The following MND1 variants were observed in gnomAD, a reference collection of about 807,000 sequenced individuals.
MND1 encodes the protein meiotic nuclear division protein 1 homolog.
In MND1, 28 loss-of-function variants were observed where a neutral mutation model predicts 35.1. The ratio of observed to expected loss-of-function variants is 0.80; its 90% CI spans 0.59 to 1.09. The LOEUF (loss-of-function observed/expected upper bound fraction) is 1.09, where lower values mean the gene tolerates loss of function less well. MND1 is among the 50% of genes least tolerant of loss of function. The probability of loss-of-function intolerance (pLI) is 0.00; values close to 1 mark genes in which losing one functional copy is unlikely to be tolerated. For synonymous variants in MND1, 69 were observed against 70.5 expected (o/e 0.98, Z 0.11); for missense variants, 213 against 239.6 (o/e 0.89, Z 0.73).
intron 1 of MND1, among the ~76,000 whole-genome samples, chr4:153,346,968 T>G (rs1412190742): frequency 6.6e-6 from 1 of 152,214 alleles, no homozygotes; most frequent in East Asian, 1.9e-4. Flanking sequence ...AGTAGGGTTC[T>G]CAACCCTGGG....
intron 5 of MND1, 148 bp downstream of exon 5, chr4:153,394,484 A>T (rs1479752011): frequency 1.8e-6 from 1 of 554,872 alleles, no homozygotes; most frequent in African/African-American, 1.9e-5. Flanking sequence ...GGTAGGATTC[A>T]CCAATTGTGA....
At chr4:153,350,951 T>TAAAA (rs567868452) in intron 2 of MND1, among the ~76,000 whole-genome samples, 9,932 of 123,158 alleles carry the variant, frequency 0.081, 412 homozygotes, top group Non-Finnish European at 0.12. Context: ...AGATTCTTAG[T>TAAAA]AAAAAAAAAA....
At chr4:153,377,423 C>G (rs1728540332) in intron 4 of MND1, among the ~76,000 whole-genome samples, 1 of 152,140 alleles carries the variant, frequency 6.6e-6, no homozygotes, top group African/African-American at 2.4e-5. Flanking sequence ...ATAGGCATCT[C>G]TACTGAAGTT....
At chr4:153,389,491 G>C (rs1036146371) in intron 4 of MND1, among the ~76,000 whole-genome samples, 2 of 152,168 alleles carry the variant, frequency 1.3e-5, no homozygotes, top group African/African-American at 4.8e-5. Context: ...CTCCTGAGTA[G>C]CTGGGATTAC....
rs71598272 is a variant in MND1 at position 153,391,727 on chromosome 4, T to TACAC, written c.277-2515_277-2512dup. On this transcript the variant is annotated intron_variant, in intron 4 of 7. Coordinates refer to ENST00000240488, the MANE Select transcript of MND1 (RefSeq NM_032117.4). Reference sequence around the variant, plus strand: ...GGGCAAGAAGAGTGAAACTCCATCATACACACACACACACACACACACATA... The same window carrying TACAC: ...GGGCAAGAAGAGTGAAACTCCATCATACACACACACACACACACACACACACATA... Among the ~76,000 whole-genome samples, 77 of 142,368 alleles carry TACAC rather than the reference T, an allele frequency of 5.4e-4. No individual in the cohort carries two copies. In the South Asian group the frequency reaches 0.013, roughly 24 times the overall value. The allele number at this position is 142,368 out of a possible 152,430, so 93.4% of individuals were successfully genotyped here.
At chr4:153,376,238 C>T (rs540291573) in intron 4 of MND1, among the ~76,000 whole-genome samples, 21 of 152,158 alleles carry the variant, frequency 1.4e-4, no homozygotes, top group Middle Eastern at 3.4e-3. Flanking sequence ...GGAACTTGTT[C>T]ATTTTCCCCC....
chr4:153,394,257 T>G lies in MND1; in HGVS notation c.277-5T>G. On this transcript the variant is annotated splice_region_variant and splice_polypyrimidine_tract_variant and intron_variant, in intron 4 of 7. Coordinates refer to ENST00000240488, the MANE Select transcript of MND1 (RefSeq NM_032117.4). Reference sequence around the variant, plus strand: ...AAGCTGTTTTATTTGTTTTTGATTCTCTAGTTGTCTGAGGGAAGTCAAAAG... The same window carrying G: ...AAGCTGTTTTATTTGTTTTTGATTCGCTAGTTGTCTGAGGGAAGTCAAAAG... 1 of 1,611,290 alleles carries G rather than the reference T, an allele frequency of 6.2e-7. No individual in the cohort carries two copies. Among genetic ancestry groups the G allele is most frequent in the Non-Finnish European group, 8.5e-7 (1 of 1,178,080 alleles).
At chr4:153,407,924 G>A (rs1729567255) in intron 6 of MND1, among the ~76,000 whole-genome samples, 2 of 152,078 alleles carry the variant, frequency 1.3e-5, no homozygotes, top group Admixed American at 1.3e-4. Context: ...TCTGGGTGAT[G>A]AAAAAATGTT....
intron 4 of MND1, among the ~76,000 whole-genome samples, chr4:153,368,142 T>C (rs1339405918): frequency 6.6e-6 from 1 of 152,246 alleles, no homozygotes; most frequent in Non-Finnish European, 1.5e-5. Flanking sequence ...AATTTACTTA[T>C]GGGCCTTACT....
intron 6 of MND1, among the ~76,000 whole-genome samples, chr4:153,408,114 C>T (rs1310727357): frequency 1.3e-5 from 2 of 151,996 alleles, no homozygotes; most frequent in Non-Finnish European, 2.9e-5. Context: ...CCTATCTCTA[C>T]AAGAAATGAG....
chr4:153,397,088 A>G (rs1729215983), intron 5 of MND1, 131 bp from the exon 6 acceptor site: 2 of 573,438 alleles, frequency 3.5e-6, no homozygotes, highest in Admixed American at 3.2e-5. Flanking sequence ...GTGTATACTT[A>G]TATATATAAT....
chr4:153,357,510 A>T lies in MND1; in HGVS notation c.128-964A>T, dbSNP rs572178151. ...TTTACTATTCATTAAGTGGCAGTGG[A>T]TCATCATAAAGTTCTTCATCCTTGT... On this transcript the variant is annotated intron_variant, in intron 3 of 7. Transcript: ENST00000240488. Among the ~76,000 whole-genome samples the T allele has an allele frequency of 1.3e-3, 195 of 152,286 alleles. 2 individuals are homozygous for T. Among genetic ancestry groups the T allele is most frequent in the African/African-American group, 4.2e-3 (176 of 41,556 alleles).
chr4:153,396,369 C>T (rs1380556609), intron 5 of MND1, among the ~76,000 whole-genome samples: 1 of 152,080 alleles, frequency 6.6e-6, no homozygotes, highest in African/African-American at 2.4e-5. Flanking sequence ...AAGGAACTCT[C>T]TTCACTTTGG....
At chr4:153,369,117 G>T (rs1773729815) in intron 4 of MND1, among the ~76,000 whole-genome samples, 1 of 152,168 alleles carries the variant, frequency 6.6e-6, no homozygotes, top group Admixed American at 6.5e-5. Context: ...TCCTTGCAGG[G>T]TCTTGGGCTG....
chr4:153,344,892 C>A, intron 1 of MND1, 152 bp downstream of exon 1: 1 of 1,286,512 alleles, frequency 7.8e-7, no homozygotes, highest in Non-Finnish European at 1.0e-6. Flanking sequence ...GTGTAGGGGC[C>A]CAGCCCGGCC....
chr4:153,347,349 CTT>C (rs1773098493), intron 1 of MND1, among the ~76,000 whole-genome samples: 1 of 152,158 alleles, frequency 6.6e-6, no homozygotes, highest in African/African-American at 2.4e-5. Flanking sequence ...TGATTTGTCT[CTT>C]CAAGCCAGGC....
chr4:153,349,402 TACTC>T (rs962675497), intron 1 of MND1, among the ~76,000 whole-genome samples: 1 of 152,164 alleles, frequency 6.6e-6, no homozygotes, highest in Non-Finnish European at 1.5e-5. Context: ...CTTTAGAAAT[TACTC>T]AGCAGCTCCT....
chr4:153,394,303 C>T lies in MND1; in HGVS notation c.318C>T (p.Ser106=), dbSNP rs1579944031. The T allele has an allele frequency of 6.2e-7, 1 of 1,612,410 alleles. No individual in the cohort carries two copies. The highest frequency in any genetic ancestry group is 8.5e-7 in the Non-Finnish European group (1 of 1,179,000). The change falls in exon 5 of 8, where the codon AGC becomes AGT. Residue 106 remains serine (S), a synonymous_variant. Coordinates refer to ENST00000240488, the MANE Select transcript of MND1 (RefSeq NM_032117.4). ...AAAAGCATGCAAGCCTACAGAAAAG[C>T]ATTGAGAAAGCTAAAATTGGCCGAT... is the stretch of plus-strand genomic sequence containing the variant. ...GSQKHASLQK[S]IEKAKIGRCE... is the part of the protein sequence containing the mutation.
chr4:153,390,716 C>A (rs1400267164), intron 4 of MND1, among the ~76,000 whole-genome samples: 1 of 151,954 alleles, frequency 6.6e-6, no homozygotes, highest in African/African-American at 2.4e-5. Flanking sequence ...GGCGTGGTAG[C>A]ATGTGTCTGT....
Sources: allele counts gnomAD v4.1 joint callset (sites outside exome capture counted in the v4.1 genomes callset), GRCh38; gene constraint gnomAD v4.1.1; transcripts MANE v1.5; gene names NCBI Gene and HGNC (gene_info 2026-07-23, HGNC 2026-07-21).